PGM5: variants seen among roughly 807,000 people sequenced by gnomAD.
PGM5 encodes phosphoglucomutase-like protein 5.
PGM5 carries 23 observed loss-of-function variants against 59.2 expected under a neutral mutation model. That is an observed-to-expected ratio of 0.39 (90% confidence interval 0.28 to 0.55). The LOEUF (loss-of-function observed/expected upper bound fraction) is 0.55. PGM5 is among the 20% of genes least tolerant of loss of function. The probability of loss-of-function intolerance (pLI) is 0.66; values close to 1 mark genes in which losing one functional copy is unlikely to be tolerated. For synonymous variants in PGM5, 214 were observed against 286.0 expected (o/e 0.75, Z 2.54); for missense variants, 574 against 748.3 (o/e 0.77, Z 2.72).
intron 6 of PGM5, among the ~76,000 whole-genome samples, chr9:68,446,476 A>G (rs116901088): frequency 1.0e-4 from 16 of 152,384 alleles, no homozygotes; most frequent in Non-Finnish European, 2.4e-4. Context: ...TTTGTAGAGG[A>G]CTGATCCCCT....
chr9:68,448,078 T>C (rs1300614462), intron 6 of PGM5, among the ~76,000 whole-genome samples: 1 of 152,106 alleles, frequency 6.6e-6, no homozygotes, highest in Non-Finnish European at 1.5e-5. Flanking sequence ...AAAAGGGGCT[T>C]TGAGGGGAGG....
At chr9:68,496,187 T>C (rs1564021938) in intron 9 of PGM5, among the ~76,000 whole-genome samples, 1 of 152,248 alleles carries the variant, frequency 6.6e-6, no homozygotes, top group African/African-American at 2.4e-5. Context: ...TTGCAAGTCT[T>C]GGTCAGTGGT....
intron 6 of PGM5, chr9:68,394,499 G>C (rs1327240118): frequency 1.3e-5 from 2 of 151,974 alleles, no homozygotes; most frequent in Non-Finnish European, 2.9e-5. Context: ...AAAAAATACT[G>C]AAGGGCCATA....
At chr9:68,452,359 C>T (rs782224647) in intron 6 of PGM5, among the ~76,000 whole-genome samples, 4 of 152,184 alleles carry the variant, frequency 2.6e-5, no homozygotes, top group East Asian at 1.9e-4. Flanking sequence ...AATGGAACCA[C>T]GCAGACCAAC....
At chr9:68,518,501 T>C (rs940292241) in intron 10 of PGM5, among the ~76,000 whole-genome samples, 2 of 152,238 alleles carry the variant, frequency 1.3e-5, no homozygotes, top group Non-Finnish European at 2.9e-5. Flanking sequence ...TTATTTTCAC[T>C]ATGTTCATGG....
intron 1 of PGM5, among the ~76,000 whole-genome samples, chr9:68,373,630 T>G (rs1294749285): frequency 1.1e-4 from 17 of 152,102 alleles, no homozygotes; most frequent in African/African-American, 4.1e-4. Flanking sequence ...ACATTTTTGA[T>G]TTGGCATTAA....
chr9:68,402,837 T>C (rs1195202251), intron 6 of PGM5, among the ~76,000 whole-genome samples: 3 of 152,184 alleles, frequency 2.0e-5, no homozygotes, highest in Admixed American at 2.0e-4. Context: ...TTTCAAAATG[T>C]ATTTTGTAGC....
intron 6 of PGM5, among the ~76,000 whole-genome samples, chr9:68,443,837 A>G (rs1325994298): frequency 6.6e-6 from 1 of 152,266 alleles, no homozygotes; most frequent in African/African-American, 2.4e-5. Context: ...AAGACTTTAA[A>G]GTAATGGAGC....
intron 7 of PGM5, among the ~76,000 whole-genome samples, chr9:68,475,019 A>C (rs1397147976): frequency 6.7e-6 from 1 of 149,708 alleles, no homozygotes; most frequent in Non-Finnish European, 1.5e-5. Flanking sequence ...ATTTTTATTT[A>C]TTGTTTTTTT....
chr9:68,416,269 C>T (rs1291722190), intron 6 of PGM5, among the ~76,000 whole-genome samples: 2 of 152,184 alleles, frequency 1.3e-5, no homozygotes, highest in African/African-American at 4.8e-5. Context: ...ATGGATGGCT[C>T]TGTTGGGATT....
intron 1 of PGM5, among the ~76,000 whole-genome samples, chr9:68,359,654 T>A (rs1834540346): frequency 6.6e-6 from 1 of 152,218 alleles, no homozygotes; most frequent in Admixed American, 6.5e-5. Context: ...AATACTGAAC[T>A]TGGATCCCAA....
intron 7 of PGM5, among the ~76,000 whole-genome samples, chr9:68,476,298 A>G (rs1161991831): frequency 6.6e-6 from 1 of 152,068 alleles, no homozygotes; most frequent in African/African-American, 2.4e-5. Flanking sequence ...TCCTCTGACA[A>G]TTGCATGCTT....
chr9:68,429,607 A>G (rs1181900131), intron 6 of PGM5, among the ~76,000 whole-genome samples: 1 of 115,246 alleles, frequency 8.7e-6, no homozygotes, highest in Non-Finnish European at 2.0e-5. Context: ...AAGCTAAATG[A>G]AATAAATATG....
chr9:68,417,560 G>A (rs1823055936), intron 6 of PGM5, among the ~76,000 whole-genome samples: 1 of 152,126 alleles, frequency 6.6e-6, no homozygotes. Context: ...CAAAATATAG[G>A]ATAGGCATTT....
intron 10 of PGM5, among the ~76,000 whole-genome samples, chr9:68,529,074 G>C (rs545377346): frequency 6.6e-6 from 1 of 152,074 alleles, no homozygotes; most frequent in South Asian, 2.1e-4. Context: ...CTGCAACGTT[G>C]GCCAATGAAT....
Position 68,387,468 on chromosome 9 carries a change from A to G in PGM5, c.577A>G (p.Ile193Val), listed in dbSNP as rs782139078. ...CTTTGTTTTTCTATCTTTAGTGGAG[A>G]TAGTGGACCCAGTGGATATCTATCT... ...ENKFKPFRVE[I>V]VDPVDIYLNL... The change falls in exon 4 of 11, where the codon ATA becomes GTA. Residue 193 changes from isoleucine to valine, a missense_variant. This residue lies in a region of PGM5 where 103 missense variants were observed against 112.4 expected (regional missense o/e 0.92). Coordinates refer to ENST00000396396, the MANE Select transcript of PGM5 (RefSeq NM_021965.4). 4 of 1,610,072 alleles carry G rather than the reference A, an allele frequency of 2.5e-6. No individual in the cohort carries two copies. The highest frequency in any genetic ancestry group is 1.3e-5 in the African/African-American group (1 of 74,818).
At chr9:68,469,517 C>G (rs1823989415) in intron 7 of PGM5, among the ~76,000 whole-genome samples, 1 of 152,188 alleles carries the variant, frequency 6.6e-6, no homozygotes, top group African/African-American at 2.4e-5. Flanking sequence ...GCCTGGTGCT[C>G]TTGAAGTTGA....
intron 9 of PGM5, among the ~76,000 whole-genome samples, chr9:68,486,556 C>A (rs1328053546): frequency 6.6e-6 from 1 of 152,200 alleles, no homozygotes; most frequent in Non-Finnish European, 1.5e-5. Context: ...TGACTAGCTT[C>A]TTTCACTTAT....
intron 6 of PGM5, among the ~76,000 whole-genome samples, chr9:68,407,335 G>T (rs1196792060): frequency 2.0e-5 from 3 of 152,096 alleles, no homozygotes; most frequent in African/African-American, 7.2e-5. Flanking sequence ...GTCTCACTAC[G>T]CTGCCTAGGC....
Sources: gnomAD v4.1 joint callset for allele counts (sites outside exome capture counted in the v4.1 genomes callset) on GRCh38, gnomAD v4.1.1 for gene constraint, gnomAD v4.1.1 regional missense constraint, MANE v1.5 for transcripts, NCBI Gene and HGNC (gene_info 2026-07-23, HGNC 2026-07-21) for gene names.